Variants in ALK observed in about 807,000 individuals in gnomAD.
The protein encoded by ALK is ALK receptor tyrosine kinase.
ALK carries 74 observed loss-of-function variants against 163.1 expected under a neutral mutation model. That is an observed-to-expected ratio of 0.45 (90% confidence interval 0.38 to 0.55). ALK has a LOEUF of 0.55. Ranked by LOEUF, ALK falls within the 20% of genes least tolerant of loss-of-function variation. The pLI is 0.00. For synonymous variants in ALK, 960 were observed against 843.2 expected (o/e 1.14, Z -2.40); for missense variants, 2,063 against 2,105.3 (o/e 0.98, Z 0.39).
chr2:29,335,298 T>A (rs1426709163), intron 5 of ALK, among the ~76,000 whole-genome samples: 1 of 152,096 alleles, frequency 6.6e-6, no homozygotes, highest in Non-Finnish European at 1.5e-5. Context: ...AAATGGCACT[T>A]CCCCCAGACT....
intron 4 of ALK, among the ~76,000 whole-genome samples, chr2:29,433,038 A>G (rs1231617774): frequency 6.6e-6 from 1 of 152,208 alleles, no homozygotes; most frequent in African/African-American, 2.4e-5. Flanking sequence ...ACAATTAACA[A>G]AAAAGTCCTC....
chr2:29,839,753 C>T (rs1341251044), intron 1 of ALK, among the ~76,000 whole-genome samples: 1 of 152,072 alleles, frequency 6.6e-6, no homozygotes, highest in Non-Finnish European at 1.5e-5. Context: ...CCCACAAAGC[C>T]TTTGCTGAGT....
chr2:29,514,073 A>C (rs13001066), intron 4 of ALK, among the ~76,000 whole-genome samples: 1,615 of 83,320 alleles, frequency 0.019, 22 homozygotes, highest in Middle Eastern at 0.047. Context: ...TAGTTCAACC[A>C]TTGTGGAAGT....
At chr2:29,766,962 G>T (rs1454472330) in intron 1 of ALK, among the ~76,000 whole-genome samples, 2 of 152,108 alleles carry the variant, frequency 1.3e-5, no homozygotes, top group Non-Finnish European at 2.9e-5. Flanking sequence ...GGCTCCACCT[G>T]GCCCCTCTCT....
chr2:29,761,787 C>T (rs1558476790), intron 1 of ALK, among the ~76,000 whole-genome samples: 1 of 152,216 alleles, frequency 6.6e-6, no homozygotes, highest in Non-Finnish European at 1.5e-5. Context: ...CAAAAACAGA[C>T]TTCTGGATGG....
At chr2:29,666,091 C>T (rs1677504650) in intron 3 of ALK, among the ~76,000 whole-genome samples, 1 of 152,046 alleles carries the variant, frequency 6.6e-6, no homozygotes, top group East Asian at 1.9e-4. Context: ...TTTCATGAGA[C>T]ACTATAAAAT....
chr2:29,595,563 G>A (rs982051606), intron 3 of ALK, among the ~76,000 whole-genome samples: 3 of 151,934 alleles, frequency 2.0e-5, no homozygotes, highest in Non-Finnish European at 2.9e-5. Context: ...CTCATGATCC[G>A]CCCGCCTCGG....
chr2:29,743,772 C>A (rs1038258637), intron 1 of ALK, among the ~76,000 whole-genome samples: 1 of 152,160 alleles, frequency 6.6e-6, no homozygotes, highest in African/African-American at 2.4e-5. Context: ...TTTAAGAGAA[C>A]TGCAGGTGTT....
At chr2:29,724,332 G>A (rs756412003) in intron 1 of ALK, among the ~76,000 whole-genome samples, 14 of 152,066 alleles carry the variant, frequency 9.2e-5, no homozygotes, top group South Asian at 2.1e-4. Context: ...TAATGCATTC[G>A]TTTACAATGA....
chr2:29,631,846 T>C (rs1451207190), intron 3 of ALK, among the ~76,000 whole-genome samples: 2 of 152,242 alleles, frequency 1.3e-5, no homozygotes, highest in African/African-American at 4.8e-5. Flanking sequence ...TAGCCACATA[T>C]CCTCTGCTCT....
intron 23 of ALK, among the ~76,000 whole-genome samples, chr2:29,216,253 A>T (rs908194505): frequency 2.0e-5 from 3 of 152,068 alleles, no homozygotes; most frequent in African/African-American, 7.2e-5. Context: ...GGTGCTCCCC[A>T]TGGTGGGTTT....
chr2:29,600,526 C>A (rs971300411), intron 3 of ALK, among the ~76,000 whole-genome samples: 1 of 152,142 alleles, frequency 6.6e-6, no homozygotes, highest in African/African-American at 2.4e-5. Flanking sequence ...AGAAGTAGCT[C>A]CTGGCATTGG....
In ALK at chr2:29,193,867, T is replaced by C. The variant is rs1298834437; in HGVS notation, c.4220A>G (p.Glu1407Gly). 1.2e-6 allele frequency: 2 copies of C among 1,613,868 alleles called. No homozygotes were observed. The highest frequency in any genetic ancestry group is 1.7e-6 in the Non-Finnish European group (2 of 1,179,972). The change falls in exon 29 of 29, where the codon GAG (glutamate) becomes GGG (glycine). Residue 1407 changes from glutamate to glycine, a missense_variant. Physicochemically the swap from Glu to Gly is moderately conservative, Grantham distance 98. Around this residue, in one of 5 missense-constraint regions of ALK, gnomAD observed 403 missense variants for 366.2 expected, o/e 1.10. Coordinates refer to ENST00000389048, the MANE Select transcript of ALK (RefSeq NM_004304.5). ...GGGCCTCACAGGCACTTTCTCTTCC[T>C]CTTCCACAAGTGGACCATATTCTAT... ...LPIEYGPLVE[E>G]EEKVPVRPKD...
chr2:29,645,579 T>C (rs1250311450), intron 3 of ALK, among the ~76,000 whole-genome samples: 1 of 152,144 alleles, frequency 6.6e-6, no homozygotes, highest in African/African-American at 2.4e-5. Context: ...AGACTGGCCC[T>C]AGAGAAGTTG....
At chr2:29,206,302 C>A (rs1669309554) in intron 26 of ALK, among the ~76,000 whole-genome samples, 1 of 150,998 alleles carries the variant, frequency 6.6e-6, no homozygotes, top group African/African-American at 2.4e-5. Context: ...CTCTCCCCCT[C>A]TCTTGCTTGC....
At chr2:29,213,922 C>T (rs1669529250) in intron 24 of ALK, 62 bp downstream of exon 24, 1 of 1,429,208 alleles carries the variant, frequency 7.0e-7, no homozygotes, top group East Asian at 2.3e-5. Flanking sequence ...CCCTTGAGAT[C>T]TGCGGGGAAG....
chr2:29,768,775 T>G (rs1393270971), intron 1 of ALK, among the ~76,000 whole-genome samples: 1 of 150,586 alleles, frequency 6.6e-6, no homozygotes, highest in African/African-American at 2.5e-5. Context: ...AAGCAAATAT[T>G]TATAATAAAA....
chr2:29,684,898 G>A (rs751603970), intron 3 of ALK, among the ~76,000 whole-genome samples: 4 of 152,130 alleles, frequency 2.6e-5, no homozygotes, highest in Non-Finnish European at 5.9e-5. Flanking sequence ...TCATTTCTCC[G>A]AGCTTCTAAC....
At position 29,320,894 on chromosome 2, in the gene ALK, G is replaced by T. The variant is rs770534522; in HGVS notation, c.1415-12C>A. 5.0e-6 allele frequency: 8 copies of T among 1,614,162 alleles called. No homozygotes were observed. The South Asian group carries it at 8.8e-5, about 18-fold the overall frequency. ...CACAGGCAGTTTCCCTATGGAGAGA[G>T]CAGAGAGGCACCATCATTTTCAGGA... On this transcript the variant is annotated splice_polypyrimidine_tract_variant and intron_variant, in intron 6 of 28. Transcript: ENST00000389048.
Sources: allele counts gnomAD v4.1 joint callset (sites outside exome capture counted in the v4.1 genomes callset), GRCh38; gene constraint gnomAD v4.1.1; regional missense constraint gnomAD v4.1.1; transcripts MANE v1.5; gene names NCBI Gene and HGNC (gene_info 2026-07-23, HGNC 2026-07-21).